The following LAMA2 variants were observed in gnomAD, a reference collection of about 807,000 sequenced individuals.
The protein encoded by LAMA2 is laminin subunit alpha 2.
LAMA2 carries 269 observed loss-of-function variants against 364.8 expected under a neutral mutation model. The observed-to-expected ratio is 0.74, with a 90% confidence interval of 0.67 to 0.82. The LOEUF is 0.82. Ranked by LOEUF, LAMA2 falls within the 40% of genes least tolerant of loss-of-function variation. The pLI is 0.00. For missense variants in LAMA2, 3,807 were observed against 3,873.2 expected, an observed-to-expected ratio of 0.98 and a Z score of 0.45; for synonymous variants, 1,379 against 1,370.6, an observed-to-expected ratio of 1.01 and a Z score of -0.14.
At chr6:129,179,944 C>T (rs74532551) in intron 10 of LAMA2, among the ~76,000 whole-genome samples, 3 of 152,194 alleles carry the variant, frequency 2.0e-5, no homozygotes, top group Non-Finnish European at 4.4e-5. Context: ...CAATGTACTA[C>T]AATTAAGTGC....
chr6:129,039,790 G>A (rs11154459), intron 1 of LAMA2, among the ~76,000 whole-genome samples: 72,299 of 152,002 alleles, frequency 0.48, 20,508 homozygotes, highest in East Asian at 0.81. Flanking sequence ...TATGGTTCAC[G>A]TTCCTGTGAG....
chr6:129,265,139 G>A (rs1787417159), intron 15 of LAMA2, among the ~76,000 whole-genome samples: 1 of 152,144 alleles, frequency 6.6e-6, no homozygotes, highest in South Asian at 2.1e-4. Flanking sequence ...CAGATGACAA[G>A]TGGAGTAATA....
intron 2 of LAMA2, 98 bp from the exon 3 acceptor site, chr6:129,059,686 G>T: frequency 4.1e-6 from 3 of 732,328 alleles, no homozygotes; most frequent in South Asian, 1.5e-5. Context: ...TTCACATGAT[G>T]GTTGTTTTAA....
At chr6:129,222,850 A>G (rs1783961415) in intron 12 of LAMA2, among the ~76,000 whole-genome samples, 1 of 152,172 alleles carries the variant, frequency 6.6e-6, no homozygotes, top group Non-Finnish European at 1.5e-5. Context: ...TCCTTTGGGT[A>G]TATACCCAGT....
intron 1 of LAMA2, among the ~76,000 whole-genome samples, chr6:128,965,933 GT>G (rs1336125922): frequency 7.1e-6 from 1 of 139,932 alleles, no homozygotes; most frequent in South Asian, 2.3e-4. Context: ...TCTCTTTTCT[GT>G]TGAAATATAG....
chr6:129,236,686 T>C (rs1294886897), intron 12 of LAMA2, among the ~76,000 whole-genome samples: 1 of 152,134 alleles, frequency 6.6e-6, no homozygotes, highest in Non-Finnish European at 1.5e-5. Context: ...TTTCTATTCT[T>C]CCATGTTTTA....
At chr6:129,510,643 T>C (rs979417212) in intron 62 of LAMA2, among the ~76,000 whole-genome samples, 1 of 152,010 alleles carries the variant, frequency 6.6e-6, no homozygotes, top group African/African-American at 2.4e-5. Flanking sequence ...GTAAAAATGA[T>C]TAAAGACAAA....
At chr6:128,902,099 C>T (rs906321892) in intron 1 of LAMA2, among the ~76,000 whole-genome samples, 18 of 152,184 alleles carry the variant, frequency 1.2e-4, no homozygotes, top group African/African-American at 4.3e-4. Flanking sequence ...CCTTATAAAA[C>T]CATCAGACCT....
chr6:129,315,609 T>G lies in LAMA2; in HGVS notation c.3689T>G (p.Leu1230Trp), dbSNP rs1403048199. ...GACCTGATGAGAGAAGATCTCCATT[T>G]GGAACCTTTTTATTGGAAACTTCCA... ...HMDLMREDLHLEPFYWKLPEQ... is the reference protein window; with the variant it reads ...HMDLMREDLHWEPFYWKLPEQ... Residue 1230 changes from leucine (L) to tryptophan (W), a missense_variant, in exon 25 of 65, where the codon TTG (leucine) becomes TGG (tryptophan). By Grantham distance (61) the Leu-to-Trp change is moderately conservative (BLOSUM62 -2). Transcript: ENST00000421865. 6.2e-7 allele frequency: 1 copy of G among 1,614,174 alleles called. No individual in the cohort carries two copies. The highest frequency in any genetic ancestry group is 1.1e-5 in the South Asian group (1 of 91,086).
rs1161302342 is a variant in LAMA2 at position 129,454,222 on chromosome 6, T to C, written c.6641T>C (p.Val2214Ala). The change falls in exon 47 of 65, where the codon GTT (valine) becomes GCT (alanine). Residue 2214 changes from valine (V) to alanine (A), a missense_variant. By Grantham distance (64) the Val-to-Ala change is moderately conservative (BLOSUM62 0). Coordinates refer to ENST00000421865, the MANE Select transcript of LAMA2 (RefSeq NM_000426.4). Reference protein sequence around the residue: ...VSFLWDVGSGVGRVEYPDLTI... With the variant: ...VSFLWDVGSGAGRVEYPDLTI... ...TTCCTCTGGGATGTTGGATCTGGAG[T>C]TGGACGTGTAGAGTACCCAGATTTG... 2 of 1,612,310 alleles carry C rather than the reference T, an allele frequency of 1.2e-6. No individual in the cohort carries two copies. Among genetic ancestry groups the C allele is most frequent in the African/African-American group, 1.3e-5 (1 of 74,928 alleles).
intron 1 of LAMA2, among the ~76,000 whole-genome samples, chr6:128,977,343 T>A (rs1462471854): frequency 2.0e-5 from 3 of 150,022 alleles, no homozygotes; most frequent in Middle Eastern, 6.9e-3. Context: ...CACTGCAGCC[T>A]CAACCTCCTG....
At chr6:129,062,133 T>A (rs908214710) in intron 3 of LAMA2, among the ~76,000 whole-genome samples, 9 of 152,202 alleles carry the variant, frequency 5.9e-5, no homozygotes, top group African/African-American at 2.2e-4. Flanking sequence ...CTGTGAGACA[T>A]GTTTATAATA....
At position 129,043,308 on chromosome 6, in the gene LAMA2, G is replaced by A. The variant is rs1351070655; in HGVS notation, c.113-6610G>A. On this transcript the variant is annotated intron_variant, in intron 1 of 64. Transcript: ENST00000421865. ...TATTTACAAACATATGCAATGATGT[G>A]ATTTTTTGCCTTAAATATTAATATG... Among the ~76,000 whole-genome samples the A allele has an allele frequency of 2.0e-5, 3 of 152,026 alleles. No individual in the cohort carries two copies. The East Asian group carries it at 5.8e-4, about 29-fold the overall frequency.
chr6:128,911,932 C>G (rs1454470308), intron 1 of LAMA2, among the ~76,000 whole-genome samples: 1 of 152,176 alleles, frequency 6.6e-6, no homozygotes, highest in Non-Finnish European at 1.5e-5. Context: ...TTCACCCAGT[C>G]TACTGTCTGT....
chr6:129,316,012 A>T lies in LAMA2; in HGVS notation c.3925-26A>T, dbSNP rs536435627. The T allele has an allele frequency of 8.1e-6, 13 of 1,614,014 alleles. No individual in the cohort carries two copies. In the East Asian group the frequency reaches 2.9e-4, roughly 36 times the overall value. On this transcript the variant is annotated intron_variant, in intron 26 of 64. Coordinates refer to ENST00000421865, the MANE Select transcript of LAMA2 (RefSeq NM_000426.4). Reference sequence around the variant, plus strand: ...CAATGGTTTTGCATTCAGTTTTGTCATAGTGATTTCTCTTCTTGTTAACAG... The same window carrying T: ...CAATGGTTTTGCATTCAGTTTTGTCTTAGTGATTTCTCTTCTTGTTAACAG...
chr6:129,223,163 A>G (rs1046067309), intron 12 of LAMA2, among the ~76,000 whole-genome samples: 1 of 151,946 alleles, frequency 6.6e-6, no homozygotes, highest in Non-Finnish European at 1.5e-5. Context: ...GTCTGTTCAT[A>G]TCCTTTGCCC....
Position 129,315,674 on chromosome 6 carries a change from AT to A in LAMA2, c.3735+20del. The A allele has an allele frequency of 6.2e-7, 1 of 1,612,920 alleles. No individual in the cohort carries two copies. The highest frequency in any genetic ancestry group is 8.5e-7 in the Non-Finnish European group (1 of 1,178,810). On this transcript the variant is annotated intron_variant, in intron 25 of 64. Transcript: ENST00000421865. The stretch of plus-strand genomic sequence containing the variant: ...AAAGAAGGTAAGCACAAGAACTTTA[AT>A]GTCAAGTGAGAACAAGATAAAATCT...
intron 40 of LAMA2, among the ~76,000 whole-genome samples, chr6:129,419,186 G>A (rs553946469): frequency 6.6e-6 from 1 of 152,204 alleles, no homozygotes; most frequent in East Asian, 1.9e-4. Flanking sequence ...AATGATAGAT[G>A]TCTCAGGGTT....
chr6:129,284,838 T>C (rs1788986531), intron 18 of LAMA2, among the ~76,000 whole-genome samples: 1 of 152,184 alleles, frequency 6.6e-6, no homozygotes, highest in South Asian at 2.1e-4. Flanking sequence ...CTGCATGTGT[T>C]ATCTGGAGTC....
Sources: allele counts gnomAD v4.1 joint callset (sites outside exome capture counted in the v4.1 genomes callset), GRCh38; gene constraint gnomAD v4.1.1; transcripts MANE v1.5; gene names NCBI Gene and HGNC (gene_info 2026-07-23, HGNC 2026-07-21).